Variants in DCC observed in about 807,000 individuals in gnomAD.
DCC encodes the protein DCC netrin 1 receptor.
Under a neutral mutation model 172.5 loss-of-function variants are expected in DCC, and 58 were observed. The ratio of observed to expected loss-of-function variants is 0.34; its 90% CI spans 0.27 to 0.42. The LOEUF (loss-of-function observed/expected upper bound fraction) is 0.42. DCC is among the 10% of genes least tolerant of loss of function. The pLI is 1.00. For missense variants in DCC, 1,740 were observed against 1,791.0 expected (o/e 0.97, Z 0.51); for synonymous variants, 709 against 644.5 (o/e 1.10, Z -1.52).
At chr18:52,398,205 C>A (rs766320625) in intron 1 of DCC, among the ~76,000 whole-genome samples, 13 of 151,846 alleles carry the variant, frequency 8.6e-5, no homozygotes, top group Non-Finnish European at 1.6e-4. Context: ...AACTTTGGTC[C>A]CATTACCAAC....
intron 15 of DCC, among the ~76,000 whole-genome samples, chr18:53,342,845 A>AAT (rs1041006563): frequency 5.4e-5 from 8 of 147,550 alleles, no homozygotes; most frequent in Non-Finnish European, 1.0e-4. Flanking sequence ...AATATTCCTA[A>AAT]ATATATATAC....
intron 1 of DCC, among the ~76,000 whole-genome samples, chr18:52,659,886 A>G (rs1374246695): frequency 6.6e-6 from 1 of 152,078 alleles, no homozygotes; most frequent in African/African-American, 2.4e-5. Flanking sequence ...GAGGATTATA[A>G]CATTCATATA....
intron 25 of DCC, among the ~76,000 whole-genome samples, chr18:53,470,996 T>A (rs1476937896): frequency 6.6e-6 from 1 of 152,182 alleles, no homozygotes; most frequent in Non-Finnish European, 1.5e-5. Context: ...AAATTCAGTC[T>A]TTTACCAAAT....
Position 53,051,269 on chromosome 18 carries a change from G to T in DCC, c.986-12036G>T, listed in dbSNP as rs535371479. Reference sequence around the variant, plus strand: ...TACATGTTCATGTTTTTATTCAAGGGCATAATTGATGAAGTCCCTGCTGAA... The same window carrying T: ...TACATGTTCATGTTTTTATTCAAGGTCATAATTGATGAAGTCCCTGCTGAA... On this transcript the variant is annotated intron_variant, in intron 5 of 28. Coordinates refer to ENST00000442544, the MANE Select transcript of DCC (RefSeq NM_005215.4). Among the ~76,000 whole-genome samples the T allele has an allele frequency of 3.0e-3, 460 of 152,116 alleles. 1 individual carries two copies. The highest frequency in any genetic ancestry group is 0.011 in the African/African-American group (446 of 41,528).
chr18:53,254,676 G>A (rs1416235487), intron 12 of DCC, among the ~76,000 whole-genome samples: 1 of 151,888 alleles, frequency 6.6e-6, no homozygotes, highest in African/African-American at 2.4e-5. Flanking sequence ...TTTATTAGCA[G>A]GTGCATTTAA....
intron 2 of DCC, among the ~76,000 whole-genome samples, chr18:52,777,380 C>T (rs1385484527): frequency 6.6e-6 from 1 of 152,146 alleles, no homozygotes; most frequent in East Asian, 1.9e-4. Flanking sequence ...CTTGTGGCTG[C>T]TTCACTCCAA....
chr18:52,442,001 T>G (rs1987986000), intron 1 of DCC, among the ~76,000 whole-genome samples: 4 of 152,176 alleles, frequency 2.6e-5, no homozygotes, highest in African/African-American at 9.7e-5. Flanking sequence ...AAGTAGCTTG[T>G]GCCTGATAAA....
At chr18:53,200,505 T>A (rs991190794) in intron 9 of DCC, among the ~76,000 whole-genome samples, 1 of 152,192 alleles carries the variant, frequency 6.6e-6, no homozygotes, top group African/African-American at 2.4e-5. Flanking sequence ...AGACAGTTGC[T>A]GCAATTACTT....
intron 5 of DCC, among the ~76,000 whole-genome samples, chr18:52,986,276 A>G (rs1351393299): frequency 6.6e-6 from 1 of 152,140 alleles, no homozygotes; most frequent in Admixed American, 6.6e-5. Context: ...TTCTTTAGAG[A>G]GTAGTATCAT....
At chr18:53,429,614 T>A (rs1013699505) in intron 21 of DCC, among the ~76,000 whole-genome samples, 2 of 152,104 alleles carry the variant, frequency 1.3e-5, no homozygotes, top group Non-Finnish European at 2.9e-5. Context: ...GAAATATGGG[T>A]AATGGCATAT....
intron 5 of DCC, among the ~76,000 whole-genome samples, chr18:53,057,787 G>GT (rs1398371997): frequency 6.6e-6 from 1 of 152,092 alleles, no homozygotes; most frequent in Non-Finnish European, 1.5e-5. Flanking sequence ...AGTGAAATGA[G>GT]TCCTTCCACA....
At chr18:53,039,050 T>C (rs1240132054) in intron 5 of DCC, among the ~76,000 whole-genome samples, 12 of 151,972 alleles carry the variant, frequency 7.9e-5, no homozygotes. Context: ...CCCAGGGAGC[T>C]TTTTAACTGA....
intron 2 of DCC, among the ~76,000 whole-genome samples, chr18:52,831,210 T>G (rs1056425664): frequency 6.6e-6 from 1 of 152,156 alleles, no homozygotes; most frequent in Non-Finnish European, 1.5e-5. Context: ...CATAGCAAGA[T>G]GATCAGTATG....
At chr18:52,709,493 G>A (rs1289344204) in intron 1 of DCC, among the ~76,000 whole-genome samples, 1 of 152,204 alleles carries the variant, frequency 6.6e-6, no homozygotes, top group African/African-American at 2.4e-5. Flanking sequence ...AGAGGCTCAT[G>A]TCAGTCAGCA....
chr18:53,416,456 A>G, intron 21 of DCC: 1 of 537,102 alleles, frequency 1.9e-6, no homozygotes, highest in Admixed American at 2.8e-5. Context: ...TGAATAATTC[A>G]CATTAAGTAT....
At chr18:52,934,929 A>C (rs998898689) in intron 5 of DCC, 1 of 152,276 alleles carries the variant, frequency 6.6e-6, no homozygotes, top group African/African-American at 2.4e-5. Context: ...CAGAGCTATA[A>C]GAAAGTACAT....
chr18:52,828,479 T>A (rs1192016623), intron 2 of DCC, among the ~76,000 whole-genome samples: 1 of 152,054 alleles, frequency 6.6e-6, no homozygotes, highest in Non-Finnish European at 1.5e-5. Context: ...GTTTTGATCA[T>A]GTGATCTAGT....
Position 53,127,453 on chromosome 18 carries a change from T to C in DCC, c.1262-29903T>C, listed in dbSNP as rs774570933. Reference sequence around the variant, plus strand: ...CTGGCTTCAGATATTGCCGGTGTTCTCCCAGTCTGCAGGGTCCCTAGAAAT... The same window carrying C: ...CTGGCTTCAGATATTGCCGGTGTTCCCCCAGTCTGCAGGGTCCCTAGAAAT... On this transcript the variant is annotated intron_variant, in intron 7 of 28. Coordinates refer to ENST00000442544, the MANE Select transcript of DCC (RefSeq NM_005215.4). 3.4e-4 allele frequency among the ~76,000 whole-genome samples: 51 copies of C among 152,210 alleles called. 1 individual carries two copies. The highest frequency in any genetic ancestry group is 3.4e-3 in the Middle Eastern group (1 of 294).
At chr18:52,739,946 G>T (rs1822870723) in intron 1 of DCC, among the ~76,000 whole-genome samples, 1 of 152,118 alleles carries the variant, frequency 6.6e-6, no homozygotes, top group African/African-American at 2.4e-5. Context: ...AATGGGTCCT[G>T]AATATGGATT....
Sources: gnomAD v4.1 joint callset for allele counts (sites outside exome capture counted in the v4.1 genomes callset) on GRCh38, gnomAD v4.1.1 for gene constraint, MANE v1.5 for transcripts, NCBI Gene and HGNC (gene_info 2026-07-23, HGNC 2026-07-21) for gene names.